Variants in TYRO3 observed in about 807,000 individuals in gnomAD.
The protein encoded by TYRO3 is tyrosine-protein kinase receptor TYRO3.
A neutral mutation model predicts 95.2 loss-of-function variants in TYRO3; 38 were observed. The observed-to-expected ratio is 0.40, with a 90% CI of 0.31 to 0.52. The LOEUF is 0.52. Among genes scored for constraint, TYRO3 ranks in the 20% least tolerant of loss-of-function variants. TYRO3 has a pLI of 0.56. For synonymous variants in TYRO3, 367 were observed against 432.9 expected (o/e 0.85, Z 1.89); for missense variants, 812 against 1,116.4 (o/e 0.73, Z 3.89).
At chr15:41,568,779 A>C in intron 8 of TYRO3, 99 bp from the exon 9 acceptor site, 1 of 1,420,714 alleles carries the variant, frequency 7.0e-7, no homozygotes, top group Non-Finnish European at 9.5e-7. Context: ...GTGCCCCTAT[A>C]CTCCCATGTT....
At position 41,561,231 on chromosome 15, in the gene TYRO3, G is replaced by T; in HGVS notation, c.229G>T (p.Val77Leu). 6.2e-7 allele frequency: 1 copy of T among 1,614,258 alleles called. No homozygotes were observed. The highest frequency in any genetic ancestry group is 8.5e-7 in the Non-Finnish European group (1 of 1,180,040). ...EGMEEPDIQW[V>L]KDGAVVQNLD... ...GATGGAGGAGCCTGACATCCAGTGG[G>T]TGAAGGATGGGGCTGTGGTCCAGAA... The change falls in exon 2 of 19, where the codon GTG (valine) becomes TTG (leucine). Residue 77 changes from valine to leucine, a missense_variant. Val to Leu is a conservative substitution (Grantham distance 32, BLOSUM62 1). Coordinates refer to ENST00000263798, the MANE Select transcript of TYRO3 (RefSeq NM_006293.4).
intron 13 of TYRO3, 89 bp downstream of exon 13, chr15:41,571,207 G>T (rs1252644742): frequency 3.1e-6 from 4 of 1,291,816 alleles, no homozygotes; most frequent in Non-Finnish European, 4.5e-6. Flanking sequence ...TTTGCCCCTA[G>T]ATTTTCCAAG....
At chr15:41,567,581 G>C (rs781406881) in intron 7 of TYRO3, 44 bp downstream of exon 7, 3 of 1,407,568 alleles carry the variant, frequency 2.1e-6, no homozygotes, top group Middle Eastern at 1.9e-4. Context: ...GGCTGGAGCC[G>C]GGAAGGGGGC....
Position 41,564,328 on chromosome 15 carries a change from G to A in TYRO3, c.667+58G>A, listed in dbSNP as rs2055693516. On this transcript the variant is annotated intron_variant, in intron 5 of 18. Coordinates refer to ENST00000263798, the MANE Select transcript of TYRO3 (RefSeq NM_006293.4). ...AGGCCAGGGGCATTCCCAGCGAGCTGTCCAGCAGTTAGAATCATTCTGTGT... is the reference window on the plus strand; with the variant it reads ...AGGCCAGGGGCATTCCCAGCGAGCTATCCAGCAGTTAGAATCATTCTGTGT... The A allele has an allele frequency of 3.9e-6, 6 of 1,532,956 alleles. No homozygotes were observed. In the Admixed American group the frequency reaches 8.4e-5, roughly 21 times the overall value. 95.0% of individuals were successfully genotyped at this position (1,532,956 alleles called of 1,614,324 possible).
rs1403632856 is a variant in TYRO3, at chr15:41,580,593, A to G, written c.*2317A>G. ...AGATAATCACCATTGATCTTTTGAA[A>G]ATGCAAATATTCAGCTGGGCACAGT... On this transcript the variant is annotated 3_prime_UTR_variant, in exon 19 of 19. Transcript: ENST00000263798. 6.6e-6 allele frequency: 1 copy of G among 152,108 alleles called. No homozygotes were observed. The highest frequency in any genetic ancestry group is 2.4e-5 in the African/African-American group (1 of 41,404). The allele number at this position is 152,108 out of a possible 1,614,324, so 9.4% of individuals were successfully genotyped here.
chr15:41,570,689 G>A lies in TYRO3; in HGVS notation c.1569G>A (p.Met523Ile), dbSNP rs944337043. ...IPEQQFTLGR[M>I]LGKGEFGSVR... ...AGCAGCAGTTCACCCTGGGCCGGATGTTGGGCAAAGGTATGTGAGGCTGTG... is the reference window on the plus strand; with the variant it reads ...AGCAGCAGTTCACCCTGGGCCGGATATTGGGCAAAGGTATGTGAGGCTGTG... The change falls in exon 12 of 19, where the codon ATG becomes ATA. Residue 523 changes from methionine to isoleucine, a missense_variant. Coordinates refer to ENST00000263798, the MANE Select transcript of TYRO3 (RefSeq NM_006293.4). The A allele has an allele frequency of 6.2e-7, 1 of 1,614,098 alleles. No individual in the cohort carries two copies. The highest frequency in any genetic ancestry group is 8.5e-7 in the Non-Finnish European group (1 of 1,180,042).
At chr15:41,576,570 C>A (rs551494514) in intron 18 of TYRO3, among the ~76,000 whole-genome samples, 25 of 151,598 alleles carry the variant, frequency 1.6e-4, no homozygotes, top group Admixed American at 7.2e-4. Context: ...CTCAAGTGAT[C>A]CACCTGCTTC....
rs1418445692 is a variant in TYRO3 at position 41,582,815 on chromosome 15, C to T, written c.*4539C>T. 1 of 151,908 alleles carries T rather than the reference C, an allele frequency of 6.6e-6. No homozygotes were observed. The highest frequency in any genetic ancestry group is 2.4e-5 in the African/African-American group (1 of 41,368). The allele number at this position is 151,908 out of a possible 1,614,324, so 9.4% of individuals were successfully genotyped here. On this transcript the variant is annotated 3_prime_UTR_variant, in exon 19 of 19. Transcript: ENST00000263798. ...GATACTTTTTATTGTCCCAATACCA[C>T]CATTTATTGAACAATCTATATTTTA...
At chr15:41,565,588 T>TTG (rs2055712413) in intron 6 of TYRO3, among the ~76,000 whole-genome samples, 1 of 150,700 alleles carries the variant, frequency 6.6e-6, no homozygotes, top group African/African-American at 2.4e-5. Context: ...CTAACTTTTT[T>TTG]TTTTTTTTTT....
chr15:41,572,299 G>T, intron 14 of TYRO3, 144 bp from the exon 15 acceptor site: 1 of 1,202,194 alleles, frequency 8.3e-7, no homozygotes, highest in Non-Finnish European at 1.1e-6. Flanking sequence ...GTAGTCCCCA[G>T]ACCAGTGTGG....
chr15:41,573,634 G>C, intron 17 of TYRO3, 45 bp from the exon 18 acceptor site: 1 of 1,455,074 alleles, frequency 6.9e-7, no homozygotes, highest in East Asian at 2.3e-5. Context: ...GCCTGGCTCA[G>C]GACACCTAGT....
Position 41,573,457 on chromosome 15 carries a change from A to G in TYRO3, c.2135A>G (p.Gln712Arg). Residue 712 changes from glutamine (Q) to arginine (R), a missense_variant, in exon 17 of 19, where the codon CAG (glutamine) becomes CGG (arginine). Physicochemically the swap from Gln to Arg is conservative, Grantham distance 43. Coordinates refer to ENST00000263798, the MANE Select transcript of TYRO3 (RefSeq NM_006293.4). ...CTGGCCGACAACCTGTATACTGTGC[A>G]GAGTGACGTGGTGAGCAGGGTGGCC... ...ESLADNLYTVQSDVWAFGVTM... is the reference protein window; with the variant it reads ...ESLADNLYTVRSDVWAFGVTM... 1.9e-6 allele frequency: 3 copies of G among 1,614,262 alleles called. No individual in the cohort carries two copies. The highest frequency in any genetic ancestry group is 2.5e-6 in the Non-Finnish European group (3 of 1,180,048).
intron 14 of TYRO3, 49 bp from the exon 15 acceptor site, chr15:41,572,394 C>A: frequency 6.4e-7 from 1 of 1,550,788 alleles, no homozygotes. Flanking sequence ...GACACCTGAA[C>A]TGCCCCTTGA....
intron 14 of TYRO3, 112 bp from the exon 15 acceptor site, chr15:41,572,331 T>C: frequency 1.4e-6 from 2 of 1,452,348 alleles, no homozygotes; most frequent in South Asian, 2.9e-5. Context: ...AAATAAAAAA[T>C]AAATAGCAGA....
intron 10 of TYRO3, 27 bp from the exon 11 acceptor site, chr15:41,570,213 G>A (rs1386582569): frequency 1.0e-6 from 1 of 985,818 alleles, no homozygotes; most frequent in East Asian, 2.3e-5. Flanking sequence ...CCTTGGAGCT[G>A]ACCCCAAATC....
chr15:41,572,670 G>C, intron 15 of TYRO3, 106 bp downstream of exon 15: 1 of 1,349,072 alleles, frequency 7.4e-7, no homozygotes, highest in Middle Eastern at 2.0e-4. Context: ...AGGGCTGATG[G>C]AGCTGGGTGG....
chr15:41,560,169 A>C (rs1595497810), intron 1 of TYRO3, among the ~76,000 whole-genome samples: 1 of 152,216 alleles, frequency 6.6e-6, no homozygotes, highest in South Asian at 2.1e-4. Flanking sequence ...CTCTTGAGAC[A>C]GCATTCCTTG....
Position 41,559,242 on chromosome 15 carries a change from T to G in TYRO3, c.-16T>G, listed in dbSNP as rs1232893855. On this transcript the variant is annotated 5_prime_UTR_variant, in exon 1 of 19. Transcript: ENST00000263798. ...CGCTCGCGGGCCGGGCCCGGCATGG[T>G]GCGGCGTCGCCGCCGATGGCGCTGA... 5.6e-6 allele frequency: 2 copies of G among 355,886 alleles called. No individual in the cohort carries two copies. Among genetic ancestry groups the G allele is most frequent in the East Asian group, 1.1e-4 (2 of 17,628 alleles). 22.0% of individuals were successfully genotyped at this position (355,886 alleles called of 1,614,324 possible). A position where few individuals can be genotyped will look rare whatever the true frequency, so the allele number is the denominator to read the frequency against.
At chr15:41,561,102 A>G (rs1160981828) in intron 1 of TYRO3, 25 bp from the exon 2 acceptor site, 1 of 1,051,716 alleles carries the variant, frequency 9.5e-7, no homozygotes, top group Admixed American at 2.0e-5. Flanking sequence ...CTCAAGGCTG[A>G]CACATGTTCC....
Sources: gnomAD v4.1 joint callset for allele counts (sites outside exome capture counted in the v4.1 genomes callset) on GRCh38, gnomAD v4.1.1 for gene constraint, MANE v1.5 for transcripts, NCBI Gene and HGNC (gene_info 2026-07-23, HGNC 2026-07-21) for gene names.